FUBP3: variants seen among roughly 807,000 people sequenced by gnomAD.
The protein encoded by FUBP3 is far upstream element-binding protein 3.
A neutral mutation model predicts 85.6 loss-of-function variants in FUBP3; 28 were observed. The ratio of observed to expected loss-of-function variants is 0.33; its 90% CI spans 0.24 to 0.45. The LOEUF (loss-of-function observed/expected upper bound fraction) is 0.45. FUBP3 is among the 20% of genes least tolerant of loss of function. FUBP3 has a pLI of 1.00. For missense variants in FUBP3, 583 were observed against 755.1 expected, an observed-to-expected ratio of 0.77 and a Z score of 2.67; for synonymous variants, 271 against 271.4, an observed-to-expected ratio of 1.00 and a Z score of 0.01.
intron 1 of FUBP3, among the ~76,000 whole-genome samples, chr9:130,587,072 G>GT (rs1195258190): frequency 0.015 from 1,399 of 96,292 alleles, 47 homozygotes; most frequent in African/African-American, 0.058. Context: ...TTTTTTGTTT[G>GT]TTTGTTTTTT....
At chr9:130,582,901 C>T (rs1293718530) in intron 1 of FUBP3, among the ~76,000 whole-genome samples, 1 of 152,168 alleles carries the variant, frequency 6.6e-6, no homozygotes, top group Admixed American at 6.5e-5. Flanking sequence ...TGCCAGTCGT[C>T]GCCTAAATAG....
In FUBP3 at chr9:130,612,931, T is replaced by G; in HGVS notation, c.275-25T>G. ...TGAAATATGGAATAGGGGCGTGTAT[T>G]CTGACCCTGTTCAATTTGTTTCAGT... On this transcript the variant is annotated intron_variant, in intron 4 of 18. Coordinates refer to ENST00000319725, the MANE Select transcript of FUBP3 (RefSeq NM_003934.2). The surrounding 1 kb of genome is among the most constrained non-coding windows in gnomAD (Gnocchi z 4.1). 6.5e-7 allele frequency: 1 copy of G among 1,532,816 alleles called. No homozygotes were observed. Among genetic ancestry groups the G allele is most frequent in the South Asian group, 1.1e-5 (1 of 89,276 alleles). The allele number at this position is 1,532,816 out of a possible 1,614,324, so 95.0% of individuals were successfully genotyped here. A position where few individuals can be genotyped will look rare whatever the true frequency, so the allele number is the denominator to read the frequency against.
chr9:130,583,708 GGAGT>G (rs1830224767), intron 1 of FUBP3, among the ~76,000 whole-genome samples: 1 of 152,262 alleles, frequency 6.6e-6, no homozygotes, highest in Admixed American at 6.5e-5. Flanking sequence ...AGTACCTGGC[GGAGT>G]GAGTCTTCCT....
At chr9:130,627,679 A>G (rs1830034315) in intron 12 of FUBP3, among the ~76,000 whole-genome samples, 2 of 152,334 alleles carry the variant, frequency 1.3e-5, no homozygotes, top group South Asian at 4.1e-4. Context: ...TGCAGGCTGC[A>G]CCAGATGCTG....
chr9:130,621,376 C>G (rs928241124), intron 9 of FUBP3, among the ~76,000 whole-genome samples: 1 of 152,060 alleles, frequency 6.6e-6, no homozygotes, highest in Non-Finnish European at 1.5e-5. Flanking sequence ...TCCTATAGTC[C>G]CAGCTGTTCT....
At chr9:130,589,334 ATTATTTAT>A (rs571009997) in intron 1 of FUBP3, among the ~76,000 whole-genome samples, 10 of 150,872 alleles carry the variant, frequency 6.6e-5, no homozygotes, top group Non-Finnish European at 1.0e-4. Flanking sequence ...TTAAATTTAC[ATTATTTAT>A]TTATTTATTT....
rs955085638 is a variant in FUBP3 at position 130,637,365 on chromosome 9, A to C, written c.*343A>C. The C allele has an allele frequency of 1.5e-5, 4 of 259,232 alleles. No homozygotes were observed. Among genetic ancestry groups the C allele is most frequent in the Middle Eastern group, 8.3e-4 (2 of 2,402 alleles). The allele number at this position is 259,232 out of a possible 1,614,324, so 16.1% of individuals were successfully genotyped here. On this transcript the variant is annotated 3_prime_UTR_variant, in exon 19 of 19. Coordinates refer to ENST00000319725, the MANE Select transcript of FUBP3 (RefSeq NM_003934.2). ...TTGGTTTTGTGTCCTTTTTATTTGC[A>C]GTTTTTTCTGTTGCAACAGAAAGTG...
At chr9:130,634,552 C>T (rs565982349) in intron 16 of FUBP3, 115 bp from the exon 17 acceptor site, 7 of 742,632 alleles carry the variant, frequency 9.4e-6, no homozygotes, top group East Asian at 2.7e-5. Context: ...GCTGCGGAGC[C>T]GTGTGTGGCC....
intron 17 of FUBP3, 40 bp downstream of exon 17, chr9:130,634,778 C>T: frequency 6.7e-7 from 1 of 1,498,804 alleles, no homozygotes; most frequent in Non-Finnish European, 9.3e-7. Context: ...AGCACAGTCC[C>T]CTCCAGCCCA....
At chr9:130,611,525 G>T (rs1831744232) in intron 3 of FUBP3, among the ~76,000 whole-genome samples, 1 of 152,156 alleles carries the variant, frequency 6.6e-6, no homozygotes, top group Non-Finnish European at 1.5e-5. Flanking sequence ...ACAGTGGCAA[G>T]TGCTATTTAT....
intron 6 of FUBP3, among the ~76,000 whole-genome samples, chr9:130,615,693 A>G (rs1051305348): frequency 3.9e-5 from 6 of 152,330 alleles, no homozygotes; most frequent in South Asian, 4.1e-4. Flanking sequence ...CGTGACACGC[A>G]GGGTCCCAAC....
chr9:130,597,928 C>A (rs899038658), intron 2 of FUBP3, among the ~76,000 whole-genome samples: 6 of 152,148 alleles, frequency 3.9e-5, no homozygotes, highest in Non-Finnish European at 8.8e-5. Flanking sequence ...TTCCTTCTTG[C>A]TATAGGAGGG....
rs878924880 is a variant in FUBP3 at position 130,605,798 on chromosome 9, A to G, written c.191-4156A>G. 2.0e-5 allele frequency among the ~76,000 whole-genome samples: 3 copies of G among 152,366 alleles called. No individual in the cohort carries two copies. The South Asian group carries it at 6.2e-4, about 32-fold the overall frequency. ...CAGGAGTTTGAGACCAGCTTGGCCA[A>G]CATGGTAAAACCCCATCTCTACTAA... is the stretch of plus-strand genomic sequence containing the variant. On this transcript the variant is annotated intron_variant, in intron 2 of 18. Coordinates refer to ENST00000319725, the MANE Select transcript of FUBP3 (RefSeq NM_003934.2).
Position 130,632,031 on chromosome 9 carries a change from C to A in FUBP3, c.1433+9C>A, listed in dbSNP as rs766637526. ...CACAGCACCCCTGTGAGGTAGGTGACCTGCTGTGACTCAGTTGGGGACAGA... is the reference window on the plus strand; with the variant it reads ...CACAGCACCCCTGTGAGGTAGGTGAACTGCTGTGACTCAGTTGGGGACAGA... On this transcript the variant is annotated intron_variant, in intron 15 of 18. Coordinates refer to ENST00000319725, the MANE Select transcript of FUBP3 (RefSeq NM_003934.2). 3.1e-6 allele frequency: 5 copies of A among 1,598,286 alleles called. No homozygotes were observed. The African/African-American group carries it at 6.7e-5, about 21-fold the overall frequency.
In FUBP3 at chr9:130,632,265, A is replaced by G; in HGVS notation, c.1497A>G (p.Thr499=). 1.9e-6 allele frequency: 3 copies of G among 1,613,506 alleles called. No individual in the cohort carries two copies. The highest frequency in any genetic ancestry group is 2.5e-6 in the Non-Finnish European group (3 of 1,179,632). The change falls in exon 16 of 19, where the codon ACA becomes ACG. Residue 499 remains threonine (T), a synonymous_variant. Transcript: ENST00000319725. ...GSTYQAWQQP[T]QQVPSQQSQP... is the part of the protein sequence containing the mutation. The stretch of plus-strand genomic sequence containing the variant: ...CCTACCAGGCGTGGCAGCAGCCCAC[A>G]CAGCAGGTCCCAAGTAAGTGACTCG...
At chr9:130,608,639 GAGTC>G (rs1831581468) in intron 2 of FUBP3, among the ~76,000 whole-genome samples, 1 of 152,176 alleles carries the variant, frequency 6.6e-6, no homozygotes, top group African/African-American at 2.4e-5. Context: ...AAAATTTTAA[GAGTC>G]AGTAAAAAAC....
At chr9:130,598,196 A>G (rs1830963049) in intron 2 of FUBP3, among the ~76,000 whole-genome samples, 1 of 152,172 alleles carries the variant, frequency 6.6e-6, no homozygotes, top group Non-Finnish European at 1.5e-5. Context: ...AATTTCTTTC[A>G]AATGTATGTG....
chr9:130,618,032 T>C (rs553545292), intron 8 of FUBP3, 137 bp downstream of exon 8: 26 of 547,182 alleles, frequency 4.8e-5, no homozygotes, highest in Middle Eastern at 5.9e-4. Flanking sequence ...TCAACAAAGT[T>C]TGGTGATGAA....
intron 2 of FUBP3, chr9:130,596,638 A>C (rs1011944061): frequency 4.6e-6 from 2 of 432,628 alleles, no homozygotes; most frequent in African/African-American, 4.2e-5. Context: ...CTGGGACTAC[A>C]GGCATGAGCC....
Sources: gnomAD v4.1 joint callset for allele counts (sites outside exome capture counted in the v4.1 genomes callset) on GRCh38, gnomAD v4.1.1 for gene constraint, Gnocchi (gnomAD v3.1) non-coding constraint, MANE v1.5 for transcripts, NCBI Gene and HGNC (gene_info 2026-07-23, HGNC 2026-07-21) for gene names.